The following ALPK2 variants were observed in gnomAD, a reference collection of about 807,000 sequenced individuals.
The protein encoded by ALPK2 is alpha-protein kinase 2.
ALPK2 carries 127 observed loss-of-function variants against 163.1 expected under a neutral mutation model. The ratio of observed to expected loss-of-function variants is 0.78; its 90% CI spans 0.67 to 0.90. The LOEUF (loss-of-function observed/expected upper bound fraction) is 0.90. Among genes scored for constraint, ALPK2 ranks in the 40% least tolerant of loss-of-function variants. The pLI is 0.00. For synonymous variants in ALPK2, 953 were observed against 959.1 expected, an observed-to-expected ratio of 0.99 and a Z score of 0.12; for missense variants, 2,360 against 2,589.6, an observed-to-expected ratio of 0.91 and a Z score of 1.92.
At chr18:58,518,382 C>T (rs1338509825) in intron 8 of ALPK2, among the ~76,000 whole-genome samples, 2 of 152,110 alleles carry the variant, frequency 1.3e-5, no homozygotes, top group African/African-American at 4.8e-5. Flanking sequence ...GGTGGATTTT[C>T]AAACAGAAAA....
Position 58,535,260 on chromosome 18 carries a change from G to A in ALPK2, c.4927C>T (p.Pro1643Ser), listed in dbSNP as rs141959270. The A allele has an allele frequency of 6.2e-7, 1 of 1,614,026 alleles. No individual in the cohort carries two copies. Among genetic ancestry groups the A allele is most frequent in the African/African-American group, 1.3e-5 (1 of 74,924 alleles). Residue 1643 changes from proline (P) to serine (S), a missense_variant, in exon 5 of 13, where the codon CCA (proline) becomes TCA (serine). Coordinates refer to ENST00000361673, the MANE Select transcript of ALPK2 (RefSeq NM_052947.4). ...TTCGCTGAGGAGCTAGATGAGCTTG[G>A]GGGTTTGGTTTCCCCAATTTGAAGC... ...EVLQIGETKP[P>S]SSSSSSAKTL...
intron 1 of ALPK2, among the ~76,000 whole-genome samples, chr18:58,616,912 G>T (rs1023248645): frequency 8.5e-5 from 13 of 152,110 alleles, no homozygotes; most frequent in Non-Finnish European, 1.8e-4. Flanking sequence ...GGGCTTGGGG[G>T]GTGGGTGAGG....
rs2051568931 is a variant in ALPK2, at chr18:58,523,806, C to T, written c.5665G>A (p.Gly1889Arg). 9 of 1,614,056 alleles carry T rather than the reference C, an allele frequency of 5.6e-6. No homozygotes were observed. Among genetic ancestry groups the T allele is most frequent in the Admixed American group, 1.7e-5 (1 of 60,004 alleles). Residue 1889 changes from glycine to arginine, a missense_variant and splice_region_variant, in exon 8 of 13, where the codon GGA (glycine) becomes AGA (arginine). Transcript: ENST00000361673. ...KQLSSRQDTK[G>R]CEEIEFSQLI... ...GGCAGGTCAACCCTAACTGACTTAC[C>T]TTTAGTATCCTGGCGACTTGACAGC...
At chr18:58,625,910 A>G (rs2052227441) in intron 1 of ALPK2, among the ~76,000 whole-genome samples, 1 of 152,246 alleles carries the variant, frequency 6.6e-6, no homozygotes, top group Non-Finnish European at 1.5e-5. Flanking sequence ...GTGGGTGTGC[A>G]TAGGCGGAAA....
intron 4 of ALPK2, among the ~76,000 whole-genome samples, chr18:58,567,226 A>T (rs1182971409): frequency 1.5e-5 from 1 of 66,162 alleles, no homozygotes; most frequent in African/African-American, 4.9e-5. Context: ...TCTCTACTTA[A>T]AAAAAAAAAA....
rs33969768 is a variant in ALPK2, at chr18:58,523,821, G to A, written c.5650C>T (p.Arg1884Cys). ...ACTGACTTACCTTTAGTATCCTGGC[G>A]ACTTGACAGCTGTTTGAGAACTAGA... is the stretch of plus-strand genomic sequence containing the variant. ...TAEVLKQLSS[R>C]QDTKGCEEIE... The change falls in exon 8 of 13, where the codon CGC becomes TGC. Residue 1884 changes from arginine to cysteine, a missense_variant. Coordinates refer to ENST00000361673, the MANE Select transcript of ALPK2 (RefSeq NM_052947.4). 0.045 allele frequency: 73,328 copies of A among 1,614,060 alleles called. 1,936 individuals are homozygous for A. Among genetic ancestry groups the A allele is most frequent in the Non-Finnish European group, 0.053 (63,081 of 1,179,998 alleles).
At chr18:58,621,537 C>T (rs1253443683) in intron 1 of ALPK2, among the ~76,000 whole-genome samples, 2 of 152,154 alleles carry the variant, frequency 1.3e-5, no homozygotes, top group Non-Finnish European at 1.5e-5. Context: ...TCCCAAAGTG[C>T]TGGGATTACA....
rs770397409 is a variant in ALPK2 at position 58,580,288 on chromosome 18, G to A, written c.488C>T (p.Ser163Phe). Residue 163 changes from serine to phenylalanine, a missense_variant, in exon 4 of 13, where the codon TCC becomes TTC. By Grantham distance (155) the Ser-to-Phe change is radical. Transcript: ENST00000361673. ...TGAATGGTTGGATTTGGAGGGGGAG[G>A]AGTCAGCTGACCTGGGAGTGCCCGG... ...ISPGTPRSAD[S>F]SPSKSNHSLS... 1 of 1,614,158 alleles carries A rather than the reference G, an allele frequency of 6.2e-7. No individual in the cohort carries two copies. Among genetic ancestry groups the A allele is most frequent in the Non-Finnish European group, 8.5e-7 (1 of 1,180,028 alleles).
In ALPK2 at chr18:58,586,602, G is replaced by C. The variant is rs138890899; in HGVS notation, c.228-6054C>G. On this transcript the variant is annotated intron_variant, in intron 3 of 12. Transcript: ENST00000361673. ...CAGCAGCTGGAGGGGGCAGGACCCA[G>C]TTGGGGCTCCTTCAAAGCCCCATAC... Among the ~76,000 whole-genome samples, 891 of 152,236 alleles carry C rather than the reference G, an allele frequency of 5.9e-3. 8 individuals are homozygous for C. Among genetic ancestry groups the C allele is most frequent in the African/African-American group, 0.02 (821 of 41,536 alleles).
chr18:58,540,322 A>C (rs2051683568), intron 4 of ALPK2, among the ~76,000 whole-genome samples: 1 of 152,204 alleles, frequency 6.6e-6, no homozygotes, highest in Non-Finnish European at 1.5e-5. Context: ...TTTAAAAGAG[A>C]CTTTGAACCC....
chr18:58,537,198 CATT>C lies in ALPK2; in HGVS notation c.2986_2988del (p.Asn996del), dbSNP rs2051655318. 1.2e-6 allele frequency: 2 copies of C among 1,613,968 alleles called. No homozygotes were observed. Among genetic ancestry groups the C allele is most frequent in the Admixed American group, 1.7e-5 (1 of 60,010 alleles). Reference sequence around the variant, plus strand: ...GTCTCCCTGGTCGCTTGAAAGCACTCATTATTAGCAGTTAATGTTGTTGGCTTC... The same window carrying C: ...GTCTCCCTGGTCGCTTGAAAGCACTCATTAGCAGTTAATGTTGTTGGCTTC... On this transcript the variant is annotated inframe_deletion, in exon 5 of 13. Transcript: ENST00000361673.
chr18:58,555,724 G>A (rs2051787016), intron 4 of ALPK2, among the ~76,000 whole-genome samples: 1 of 152,218 alleles, frequency 6.6e-6, no homozygotes, highest in African/African-American at 2.4e-5. Flanking sequence ...TTTCAGTGGA[G>A]ATGCTGGTGG....
chr18:58,535,839 C>T lies in ALPK2; in HGVS notation c.4348G>A (p.Ala1450Thr). The T allele has an allele frequency of 6.2e-7, 1 of 1,614,230 alleles. No individual in the cohort carries two copies. Among genetic ancestry groups the T allele is most frequent in the Non-Finnish European group, 8.5e-7 (1 of 1,180,026 alleles). ...NMGHEAEIQP[A>T]ILQVPCLQGT... is the part of the protein sequence containing the mutation. ...TGGAGACATGGAACTTGCAAAATGG[C>T]CGGCTGGATTTCCGCTTCGTGGCCC... is the stretch of plus-strand genomic sequence containing the variant. Residue 1450 changes from alanine (A) to threonine (T), a missense_variant, in exon 5 of 13, where the codon GCC (alanine) becomes ACC (threonine). Physicochemically the swap from Ala to Thr is moderately conservative, Grantham distance 58. Transcript: ENST00000361673.
Position 58,498,090 on chromosome 18 carries a change from T to G in ALPK2, c.6255A>C (p.Gly2085=). The change falls in exon 12 of 13, where the codon GGA becomes GGC. Residue 2085 remains glycine, a synonymous_variant. Transcript: ENST00000361673. ...CLLVTDMQGV[G]MKLTDVGIAT... ...CTATGCCAACGTCAGTTAGCTTCAT[T>G]CCTACACCTACAGGAAGAGAAAGCA... 6.2e-7 allele frequency: 1 copy of G among 1,614,112 alleles called. No individual in the cohort carries two copies. Among genetic ancestry groups the G allele is most frequent in the East Asian group, 2.2e-5 (1 of 44,876 alleles).
At chr18:58,610,088 G>A (rs1334074856) in intron 2 of ALPK2, among the ~76,000 whole-genome samples, 1 of 151,934 alleles carries the variant, frequency 6.6e-6, no homozygotes, top group Non-Finnish European at 1.5e-5. Flanking sequence ...CAACCTGGCC[G>A]ACATAGCGAA....
intron 1 of ALPK2, among the ~76,000 whole-genome samples, 181 bp downstream of exon 1, chr18:58,628,583 T>A (rs143504202): frequency 6.6e-6 from 1 of 152,196 alleles, no homozygotes; most frequent in Non-Finnish European, 1.5e-5. Context: ...TACAAGACCA[T>A]GAGAGTTTGC....
intron 4 of ALPK2, chr18:58,545,246 CA>C (rs2051711733): frequency 2.0e-5 from 3 of 151,392 alleles, no homozygotes; most frequent in Non-Finnish European, 2.9e-5. Flanking sequence ...CACACACACA[CA>C]CACACACTAT....
At chr18:58,562,112 G>T (rs1421306725) in intron 4 of ALPK2, among the ~76,000 whole-genome samples, 1 of 152,144 alleles carries the variant, frequency 6.6e-6, no homozygotes, top group Non-Finnish European at 1.5e-5. Flanking sequence ...GAGGTGCCCT[G>T]GGCATGTTAA....
rs2051311676 is a variant in ALPK2 at position 58,481,665 on chromosome 18, C to G, written c.*158G>C. 1.6e-6 allele frequency: 1 copy of G among 629,720 alleles called. No individual in the cohort carries two copies. Among genetic ancestry groups the G allele is most frequent in the Non-Finnish European group, 2.9e-6 (1 of 350,826 alleles). 39.0% of individuals were successfully genotyped at this position (629,720 alleles called of 1,614,324 possible). A position where few individuals can be genotyped will look rare whatever the true frequency, so the allele number is the denominator to read the frequency against. On this transcript the variant is annotated 3_prime_UTR_variant, in exon 13 of 13. Transcript: ENST00000361673. The stretch of plus-strand genomic sequence containing the variant: ...TCTGAAATCATTTGAGTGAAGACAG[C>G]AGGTGATGGGTTTAGAAGCATCTTG...
Sources: gnomAD v4.1 joint callset for allele counts (sites outside exome capture counted in the v4.1 genomes callset) on GRCh38, gnomAD v4.1.1 for gene constraint, MANE v1.5 for transcripts, NCBI Gene and HGNC (gene_info 2026-07-23, HGNC 2026-07-21) for gene names.